DHX30: variants seen among roughly 807,000 people sequenced by gnomAD.
DHX30 encodes DExH-box helicase 30, also known as ATP-dependent RNA helicase DHX30.
DHX30 carries 4 observed loss-of-function variants against 116.9 expected under a neutral mutation model. That is an observed-to-expected ratio of 0.03 (90% CI 0.02 to 0.08). DHX30 has a LOEUF of 0.08. Ranked by LOEUF, DHX30 falls within the 10% of genes least tolerant of loss-of-function variation. The probability of loss-of-function intolerance (pLI) is 1.00; values close to 1 mark genes in which losing one functional copy is unlikely to be tolerated. For synonymous variants in DHX30, 697 were observed against 651.7 expected, an observed-to-expected ratio of 1.07 and a Z score of -1.06; for missense variants, 871 against 1,595.1, an observed-to-expected ratio of 0.55 and a Z score of 7.73.
chr3:47,846,130 T>G, intron 10 of DHX30, 35 bp from the exon 11 acceptor site: 1 of 1,586,596 alleles, frequency 6.3e-7, no homozygotes, highest in Non-Finnish European at 8.6e-7. Flanking sequence ...GAGGAATTTC[T>G]TTTTCATTGT....
Position 47,848,360 on chromosome 3 carries a change from G to T in DHX30, c.2467G>T (p.Ala823Ser). The T allele has an allele frequency of 6.2e-7, 1 of 1,614,146 alleles. No individual in the cohort carries two copies. The highest frequency in any genetic ancestry group is 1.1e-5 in the South Asian group (1 of 91,088). ...RTPLENLVLQ[A>S]KIHMPEKTAV... ...ACCTCTTGAGAACCTGGTGCTGCAA[G>T]CGAAAATCCACATGCCTGAGAAGAC... The change falls in exon 15 of 22, where the codon GCG becomes TCG. Residue 823 changes from alanine to serine, a missense_variant. Coordinates refer to ENST00000445061, the MANE Select transcript of DHX30 (RefSeq NM_138615.3). The surrounding 1 kb of genome is among the most constrained non-coding windows in gnomAD (Gnocchi z 9.4).
rs2035844839 is a variant in DHX30 at position 47,812,476 on chromosome 3, T to A, written c.28+1765T>A. Among the ~76,000 whole-genome samples the A allele has an allele frequency of 2.0e-5, 3 of 148,672 alleles. No homozygotes were observed. In the South Asian group the frequency reaches 6.5e-4, roughly 32 times the overall value. ...GGGAGGCTAAGGCACGAGAATTGCT[T>A]GAACCCAGGAGGTGCAGGTTGTAGT... On this transcript the variant is annotated intron_variant, in intron 3 of 21. Coordinates refer to ENST00000445061, the MANE Select transcript of DHX30 (RefSeq NM_138615.3).
At chr3:47,834,820 T>G (rs2037030813) in intron 6 of DHX30, among the ~76,000 whole-genome samples, 1 of 152,154 alleles carries the variant, frequency 6.6e-6, no homozygotes, top group East Asian at 1.9e-4. Context: ...CATTCATCCT[T>G]TGACAGATGC....
intron 6 of DHX30, among the ~76,000 whole-genome samples, chr3:47,837,633 C>T (rs985267936): frequency 3.3e-5 from 5 of 152,248 alleles, no homozygotes; most frequent in East Asian, 1.9e-4. Context: ...TGGTGGCGTA[C>T]GCCTGTAATC....
intron 3 of DHX30, among the ~76,000 whole-genome samples, chr3:47,817,799 G>A (rs749047535): frequency 6.6e-6 from 1 of 152,180 alleles, no homozygotes; most frequent in Non-Finnish European, 1.5e-5. Flanking sequence ...AAGAGTTTGA[G>A]GGCTCTCTCT....
Position 47,810,704 on chromosome 3 carries a change from C to T in DHX30, c.21C>T (p.Phe7=). The T allele has an allele frequency of 1.2e-6, 2 of 1,614,106 alleles. No individual in the cohort carries two copies. Among genetic ancestry groups the T allele is most frequent in the Middle Eastern group, 1.6e-4 (1 of 6,062 alleles). Residue 7 remains phenylalanine (F), a synonymous_variant, in exon 3 of 22, where the codon TTC becomes TTT. Coordinates refer to ENST00000445061, the MANE Select transcript of DHX30 (RefSeq NM_138615.3). ...CAGAAATGTTCAGCCTGGACTCATT[C>T]AGAAAAGGTAAGACTGCAACTGTGC... MFSLDS[F]RKDRAQHRQR... is the part of the protein sequence containing the mutation.
intron 8 of DHX30, chr3:47,842,238 C>T (rs1227452174): frequency 1.3e-5 from 2 of 154,828 alleles, no homozygotes; most frequent in African/African-American, 2.4e-5. Flanking sequence ...GGGCTCCTCA[C>T]CCAACCCCCT....
chr3:47,819,780 A>AC (rs997797389), intron 4 of DHX30, among the ~76,000 whole-genome samples: 22 of 151,748 alleles, frequency 1.4e-4, no homozygotes, highest in Admixed American at 6.6e-4. Context: ...TACCTCCTTG[A>AC]CCCCCCTTCC....
intron 9 of DHX30, among the ~76,000 whole-genome samples, chr3:47,843,576 A>G (rs2037471901): frequency 6.6e-6 from 1 of 152,244 alleles, no homozygotes; most frequent in Non-Finnish European, 1.5e-5. Flanking sequence ...TTTGAGAGGC[A>G]GACCTGGTGT....
At position 47,805,338 on chromosome 3, in the gene DHX30, C is replaced by T; in HGVS notation, c.-110C>T. 2.5e-6 allele frequency: 1 copy of T among 399,058 alleles called. No individual in the cohort carries two copies. 24.7% of individuals were successfully genotyped at this position (399,058 alleles called of 1,614,324 possible). A position where few individuals can be genotyped will look rare whatever the true frequency, so the allele number is the denominator to read the frequency against. Reference sequence around the variant, plus strand: ...TTGTACTTCTCAGGAGGAGGCCCAGCCTCGTGATGAGGAATAGCAAGGAGA... The same window carrying T: ...TTGTACTTCTCAGGAGGAGGCCCAGTCTCGTGATGAGGAATAGCAAGGAGA... On this transcript the variant is annotated 5_prime_UTR_variant, in exon 2 of 22. Coordinates refer to ENST00000445061, the MANE Select transcript of DHX30 (RefSeq NM_138615.3).
intron 2 of DHX30, among the ~76,000 whole-genome samples, chr3:47,807,020 A>G (rs2035559208): frequency 6.6e-6 from 1 of 151,856 alleles, no homozygotes; most frequent in African/African-American, 2.4e-5. Flanking sequence ...AGCCTGGCCA[A>G]CATGGTGAAA....
At chr3:47,808,344 G>T (rs2035628129) in intron 2 of DHX30, among the ~76,000 whole-genome samples, 1 of 151,778 alleles carries the variant, frequency 6.6e-6, no homozygotes, top group Non-Finnish European at 1.5e-5. Flanking sequence ...AGCCTCCTGA[G>T]TAGCTAAGAC....
In DHX30 at chr3:47,818,115, G is replaced by A. The variant is rs1159688071; in HGVS notation, c.122G>A (p.Arg41Gln). Reference protein sequence around the residue: ...VNPTPGGTISRASRDLLKEFP... With the variant: ...VNPTPGGTISQASRDLLKEFP... ...CCTACCCCAGGAGGGACCATCTCTC[G>A]AGGTAAGGGAGGAGCCTTGCCTCCA... The change falls in exon 4 of 22, where the codon CGA (arginine) becomes CAA (glutamine). Residue 41 changes from arginine (R) to glutamine (Q), a missense_variant and splice_region_variant. By Grantham distance (43) the Arg-to-Gln change is conservative. This residue lies in a region of DHX30 where 66 missense variants were observed against 153.9 expected (regional missense o/e 0.43). Transcript: ENST00000445061. 2 of 780,540 alleles carry A rather than the reference G, an allele frequency of 2.6e-6. No homozygotes were observed. The highest frequency in any genetic ancestry group is 4.8e-6 in the Non-Finnish European group (2 of 417,796). 48.4% of individuals were successfully genotyped at this position (780,540 alleles called of 1,614,324 possible). A position where few individuals can be genotyped will look rare whatever the true frequency, so the allele number is the denominator to read the frequency against.
rs778458349 is a variant in DHX30, at chr3:47,845,693, C to G, written c.940-7C>G. ...GCATAGACTGAGTCTTGCATGTCCC[C>G]CTGCAGAGCCTGGGCCTGGTGGACA... On this transcript the variant is annotated splice_region_variant and splice_polypyrimidine_tract_variant and intron_variant, in intron 9 of 21. Coordinates refer to ENST00000445061, the MANE Select transcript of DHX30 (RefSeq NM_138615.3). 6.3e-7 allele frequency: 1 copy of G among 1,586,358 alleles called. No homozygotes were observed. The highest frequency in any genetic ancestry group is 8.6e-7 in the Non-Finnish European group (1 of 1,158,950).
intron 5 of DHX30, among the ~76,000 whole-genome samples, chr3:47,827,707 G>A (rs538878928): frequency 4.4e-4 from 67 of 152,250 alleles, no homozygotes; most frequent in African/African-American, 1.6e-3. Context: ...TCTAAGACAG[G>A]CGCCTATACG....
intron 3 of DHX30, among the ~76,000 whole-genome samples, chr3:47,815,456 C>T (rs1267018964): frequency 6.6e-6 from 1 of 152,060 alleles, no homozygotes; most frequent in Non-Finnish European, 1.5e-5. Flanking sequence ...GAGCTTATAG[C>T]CTCAATAGGA....
intron 4 of DHX30, among the ~76,000 whole-genome samples, chr3:47,823,978 A>G (rs1166831863): frequency 1.3e-5 from 2 of 148,220 alleles, no homozygotes; most frequent in African/African-American, 5.0e-5. Context: ...TTCAGCTTTC[A>G]GATACCATTT....
In DHX30 at chr3:47,827,447, C is replaced by T; in HGVS notation, c.225C>T (p.Val75=). ...LGISHAKDKL[V]YVHTNGPKKK... ...TCTCACATGCAAAAGACAAACTAGTCTACGTGCACACAAATGGACCGAAGA... is the reference window on the plus strand; with the variant it reads ...TCTCACATGCAAAAGACAAACTAGTTTACGTGCACACAAATGGACCGAAGA... The change falls in exon 5 of 22, where the codon GTC becomes GTT. Residue 75 remains valine (V), a synonymous_variant. Transcript: ENST00000445061. 2 of 1,613,772 alleles carry T rather than the reference C, an allele frequency of 1.2e-6. No homozygotes were observed. Among genetic ancestry groups the T allele is most frequent in the South Asian group, 2.2e-5 (2 of 91,016 alleles).
chr3:47,825,557 G>A (rs1423959951), intron 4 of DHX30, among the ~76,000 whole-genome samples: 1 of 152,224 alleles, frequency 6.6e-6, no homozygotes, highest in African/African-American at 2.4e-5. Flanking sequence ...GAGCTTCTAG[G>A]GACAAGCATG....
Sources: gnomAD v4.1 joint callset for allele counts (sites outside exome capture counted in the v4.1 genomes callset) on GRCh38, gnomAD v4.1.1 for gene constraint, gnomAD v4.1.1 regional missense constraint, Gnocchi (gnomAD v3.1) non-coding constraint, MANE v1.5 for transcripts, NCBI Gene and HGNC (gene_info 2026-07-23, HGNC 2026-07-21) for gene names.